The following CDH4 variants were observed in gnomAD, a reference collection of about 807,000 sequenced individuals.
CDH4 encodes cadherin 4.
Under a neutral mutation model 86.0 loss-of-function variants are expected in CDH4, and 33 were observed. The observed-to-expected ratio is 0.38, with a 90% CI of 0.29 to 0.51. The LOEUF is 0.51. Ranked by LOEUF, CDH4 falls within the 20% of genes least tolerant of loss-of-function variation. CDH4 has a pLI of 0.86. For synonymous variants in CDH4, 555 were observed against 549.4 expected (o/e 1.01, Z -0.14); for missense variants, 1,114 against 1,307.4 (o/e 0.85, Z 2.28).
intron 2 of CDH4, among the ~76,000 whole-genome samples, chr20:61,312,130 TGTGTGTGTGGTGTGTGC>T (rs2084449337): frequency 1.3e-5 from 2 of 151,368 alleles, no homozygotes; most frequent in African/African-American, 2.4e-5. Flanking sequence ...ATGTGGGTGG[TGTGTGTGTGGTGTGTGC>T]ATGTGTGTGT....
At chr20:61,607,388 G>T (rs780801792) in intron 2 of CDH4, among the ~76,000 whole-genome samples, 6 of 152,036 alleles carry the variant, frequency 3.9e-5, no homozygotes, top group Admixed American at 2.6e-4. Context: ...AAGATGAGAA[G>T]GTCCTGTTTG....
At chr20:61,599,253 G>A (rs953574363) in intron 2 of CDH4, among the ~76,000 whole-genome samples, 2 of 152,158 alleles carry the variant, frequency 1.3e-5, no homozygotes, top group Non-Finnish European at 2.9e-5. Context: ...CAAGGGCTGT[G>A]CCCTCTTTCA....
intron 4 of CDH4, among the ~76,000 whole-genome samples, chr20:61,824,015 T>C (rs1228896561): frequency 6.6e-6 from 1 of 152,240 alleles, no homozygotes; most frequent in Non-Finnish European, 1.5e-5. Flanking sequence ...ACCATTATTT[T>C]GTTTGCCACT....
At chr20:61,744,716 G>A (rs952156875) in intron 3 of CDH4, among the ~76,000 whole-genome samples, 4 of 152,168 alleles carry the variant, frequency 2.6e-5, no homozygotes, top group Admixed American at 6.5e-5. Flanking sequence ...AGGGAGGGGC[G>A]CCTTCACCAT....
intron 2 of CDH4, among the ~76,000 whole-genome samples, chr20:61,628,201 C>T (rs1437128394): frequency 2.0e-5 from 3 of 152,178 alleles, no homozygotes; most frequent in Middle Eastern, 3.2e-3. Context: ...TTCCCCTTCC[C>T]AGGACCCCCG....
chr20:61,460,316 A>T (rs1217248487), intron 2 of CDH4, among the ~76,000 whole-genome samples: 2 of 152,156 alleles, frequency 1.3e-5, no homozygotes, highest in South Asian at 4.1e-4. Context: ...TTGTAGCAGA[A>T]AAAGGCTGCT....
chr20:61,451,124 C>T (rs887041124), intron 2 of CDH4, among the ~76,000 whole-genome samples: 2 of 90,522 alleles, frequency 2.2e-5, no homozygotes, highest in Admixed American at 1.2e-4. Flanking sequence ...CCTCTCACGC[C>T]CCCCCCCTTC....
intron 2 of CDH4, among the ~76,000 whole-genome samples, chr20:61,303,883 A>G (rs2084399229): frequency 6.6e-6 from 1 of 152,210 alleles, no homozygotes; most frequent in African/African-American, 2.4e-5. Context: ...TCCGATGGGC[A>G]CGGTGCCATC....
intron 3 of CDH4, among the ~76,000 whole-genome samples, chr20:61,755,384 ACACACG>A (rs1428113911): frequency 7.1e-6 from 1 of 140,966 alleles, no homozygotes; most frequent in Non-Finnish European, 1.6e-5. Flanking sequence ...ACACACACAC[ACACACG>A]CCCCATGCAC....
intron 2 of CDH4, among the ~76,000 whole-genome samples, chr20:61,659,596 T>C (rs13042282): frequency 1.4e-3 from 190 of 137,060 alleles, no homozygotes; most frequent in African/African-American, 4.8e-3. Flanking sequence ...CTCAGCCATC[T>C]GAGGCTTGGA....
intron 2 of CDH4, among the ~76,000 whole-genome samples, chr20:61,448,432 A>G (rs918683712): frequency 5.3e-5 from 8 of 152,212 alleles, no homozygotes; most frequent in African/African-American, 1.9e-4. Context: ...CTCGCACCCA[A>G]CAGAGTACGG....
At chr20:61,746,850 G>A (rs1393726976) in intron 3 of CDH4, among the ~76,000 whole-genome samples, 1 of 152,238 alleles carries the variant, frequency 6.6e-6, no homozygotes, top group African/African-American at 2.4e-5. Context: ...GGTGGCATGG[G>A]GGCAGGAGGA....
intron 2 of CDH4, among the ~76,000 whole-genome samples, chr20:61,395,033 G>A (rs1369596579): frequency 3.3e-5 from 5 of 150,804 alleles, no homozygotes; most frequent in African/African-American, 1.2e-4. Flanking sequence ...GGGAGAACTG[G>A]AAATGGTAAC....
At chr20:61,287,993 G>C (rs144710160) in intron 2 of CDH4, among the ~76,000 whole-genome samples, 1 of 152,314 alleles carries the variant, frequency 6.6e-6, no homozygotes, top group Non-Finnish European at 1.5e-5. Flanking sequence ...TGTTATCTCA[G>C]TGAAATATGA....
chr20:61,914,091 C>G (rs1311409068), intron 9 of CDH4, among the ~76,000 whole-genome samples: 1 of 152,202 alleles, frequency 6.6e-6, no homozygotes, highest in East Asian at 1.9e-4. Flanking sequence ...CCACCTGTGC[C>G]TCCTGCCCCC....
intron 2 of CDH4, among the ~76,000 whole-genome samples, chr20:61,565,125 G>GTGT (rs1461107269): frequency 4.2e-5 from 6 of 141,302 alleles, no homozygotes; most frequent in East Asian, 4.2e-4. Context: ...GGTGCTCTTG[G>GTGT]TGGTGCTGGT....
chr20:61,315,743 A>G (rs1256922901), intron 2 of CDH4, among the ~76,000 whole-genome samples: 1 of 152,214 alleles, frequency 6.6e-6, no homozygotes, highest in Non-Finnish European at 1.5e-5. Flanking sequence ...TTGCTCTGTC[A>G]CCCATGCTGG....
chr20:61,876,041 G>A (rs1279476103), intron 7 of CDH4, among the ~76,000 whole-genome samples: 5 of 152,348 alleles, frequency 3.3e-5, no homozygotes, highest in South Asian at 2.1e-4. Context: ...TGACTGGAGC[G>A]TGTGCGTGCA....
chr20:61,750,151 A>G (rs964262166), intron 3 of CDH4, among the ~76,000 whole-genome samples: 2 of 152,226 alleles, frequency 1.3e-5, no homozygotes, highest in Non-Finnish European at 2.9e-5. Context: ...AAAGAAAGAA[A>G]TTGTTAAAAC....
Sources: allele counts gnomAD v4.1 joint callset (sites outside exome capture counted in the v4.1 genomes callset), GRCh38; gene constraint gnomAD v4.1.1; transcripts MANE v1.5; gene names NCBI Gene and HGNC (gene_info 2026-07-23, HGNC 2026-07-21).